The following PGLS variants were observed in gnomAD, a reference collection of about 807,000 sequenced individuals.
The protein encoded by PGLS is epididymis secretory protein Li 304.
Under a neutral mutation model 23.2 loss-of-function variants are expected in PGLS, and 21 were observed. The ratio of observed to expected loss-of-function variants is 0.91; its 90% CI spans 0.64 to 1.31. The LOEUF (loss-of-function observed/expected upper bound fraction) is 1.31. PGLS is among the 50% of genes most tolerant of loss of function. The pLI is 0.00. For missense variants in PGLS, 410 were observed against 354.0 expected, an observed-to-expected ratio of 1.16 and a Z score of -1.27; for synonymous variants, 179 against 165.4, an observed-to-expected ratio of 1.08 and a Z score of -0.63.
At chr19:17,515,088 C>T (rs1391152523) in intron 1 of PGLS, among the ~76,000 whole-genome samples, 1 of 152,316 alleles carries the variant, frequency 6.6e-6, no homozygotes, top group African/African-American at 2.4e-5. Flanking sequence ...CATGCCTGGC[C>T]ATTTTCTGTT....
chr19:17,512,004 C>T, intron 1 of PGLS, 44 bp downstream of exon 1: 1 of 1,504,878 alleles, frequency 6.6e-7, no homozygotes, highest in Non-Finnish European at 8.9e-7. Flanking sequence ...GAGAGGGCCA[C>T]AGCCACCGCC....
intron 1 of PGLS, among the ~76,000 whole-genome samples, chr19:17,514,474 T>A (rs2075523999): frequency 6.6e-6 from 1 of 151,788 alleles, no homozygotes; most frequent in South Asian, 2.1e-4. Flanking sequence ...CTTCCTATAC[T>A]TTCTTTTCTT....
chr19:17,519,337 A>C lies in PGLS; in HGVS notation c.639+1487A>C, dbSNP rs554719458. ...CTCAAAAAAAAAAAAAAATCAAATG[A>C]ATAATACTCCTTGACCTTGTGAAGA... On this transcript the variant is annotated intron_variant, in intron 4 of 4. Transcript: ENST00000252603. Among the ~76,000 whole-genome samples, 57 of 151,338 alleles carry C rather than the reference A, an allele frequency of 3.8e-4. 1 individual carries two copies. In the South Asian group the frequency reaches 0.011, roughly 30 times the overall value.
At chr19:17,516,931 C>T (rs1336880497) in intron 2 of PGLS, among the ~76,000 whole-genome samples, 9 of 150,474 alleles carry the variant, frequency 6.0e-5, no homozygotes, top group Admixed American at 6.6e-5. Context: ...GTCACCTAGG[C>T]TGGAGTGCAG....
intron 1 of PGLS, among the ~76,000 whole-genome samples, chr19:17,515,143 A>G (rs921148639): frequency 6.6e-6 from 1 of 152,056 alleles, no homozygotes; most frequent in East Asian, 1.9e-4. Flanking sequence ...AGCAGGCTGC[A>G]TAGATTAACA....
intron 3 of PGLS, 27 bp downstream of exon 3, chr19:17,517,416 C>A: frequency 6.5e-7 from 1 of 1,545,704 alleles, no homozygotes; most frequent in South Asian, 1.1e-5. Context: ...GGGGTTCCAC[C>A]CTAGTCCTGA....
intron 4 of PGLS, among the ~76,000 whole-genome samples, chr19:17,519,313 T>TG (rs1489516798): frequency 1.3e-5 from 1 of 75,582 alleles, no homozygotes; most frequent in African/African-American, 8.6e-5. Context: ...AAACTCAGTC[T>TG]CAAAAAAAAA....
rs113932067 is a variant in PGLS, at chr19:17,511,732, G to T, written c.60G>T (p.Ala20=). ...SVFSSSQELG[A]ALAQLVAQRA... ...TCTCGAGTTCCCAGGAGCTGGGTGC[G>T]GCGCTAGCGCAGCTGGTGGCCCAGC... The change falls in exon 1 of 5, where the codon GCG becomes GCT. Residue 20 remains alanine (A), a synonymous_variant. Coordinates refer to ENST00000252603, the MANE Select transcript of PGLS (RefSeq NM_012088.3). The T allele has an allele frequency of 6.6e-7, 1 of 1,507,886 alleles. No homozygotes were observed. Among genetic ancestry groups the T allele is most frequent in the Admixed American group, 2.1e-5 (1 of 47,174 alleles). 93.4% of individuals were successfully genotyped at this position (1,507,886 alleles called of 1,614,324 possible). A position where few individuals can be genotyped will look rare whatever the true frequency, so the allele number is the denominator to read the frequency against.
chr19:17,515,692 T>G (rs1599689258), intron 1 of PGLS: 1 of 153,762 alleles, frequency 6.5e-6, no homozygotes, highest in Non-Finnish European at 1.4e-5. Context: ...CCATGGAGGG[T>G]GGTGAGGGGC....
At chr19:17,515,465 A>G (rs2075528088) in intron 1 of PGLS, among the ~76,000 whole-genome samples, 1 of 151,932 alleles carries the variant, frequency 6.6e-6, no homozygotes, top group Non-Finnish European at 1.5e-5. Context: ...AGTGCTTTTG[A>G]GTTAAATCTG....
At position 17,521,153 on chromosome 19, in the gene PGLS, C is replaced by T; in HGVS notation, c.*72C>T. The T allele has an allele frequency of 7.1e-7, 1 of 1,402,450 alleles. No individual in the cohort carries two copies. The highest frequency in any genetic ancestry group is 1.5e-5 in the South Asian group (1 of 68,260). 86.9% of individuals were successfully genotyped at this position (1,402,450 alleles called of 1,614,324 possible). A position where few individuals can be genotyped will look rare whatever the true frequency, so the allele number is the denominator to read the frequency against. ...GGCTGGGCCCCTGCTGGCCGCCACT[C>T]TCCGGGCTCTCCTTTCAAAAAGCCA... On this transcript the variant is annotated 3_prime_UTR_variant, in exon 5 of 5. Transcript: ENST00000252603.
chr19:17,519,560 C>G (rs946417597), intron 4 of PGLS, among the ~76,000 whole-genome samples: 5 of 151,916 alleles, frequency 3.3e-5, no homozygotes, highest in African/African-American at 1.2e-4. Context: ...CCACCACGCC[C>G]AGCTAATTTT....
intron 2 of PGLS, 88 bp downstream of exon 2, chr19:17,516,368 C>T: frequency 6.6e-7 from 1 of 1,518,166 alleles, no homozygotes; most frequent in East Asian, 2.5e-5. Flanking sequence ...TTGTCACCAG[C>T]AGGAACTGCC....
Position 17,511,931 on chromosome 19 carries a change from C to G in PGLS, c.259C>G (p.His87Asp). The change falls in exon 1 of 5, where the codon CAC (histidine) becomes GAC (aspartate). Residue 87 changes from histidine to aspartate, a missense_variant. Coordinates refer to ENST00000252603, the MANE Select transcript of PGLS (RefSeq NM_012088.3). ...FCDERLVPFDHAESTYGLYRT... is the reference protein window; with the variant it reads ...FCDERLVPFDDAESTYGLYRT... The stretch of plus-strand genomic sequence containing the variant: ...CGACGAGCGCCTCGTGCCCTTCGAT[C>G]ACGCCGAGAGCACGTACGGCCTCTA... 1 of 1,550,082 alleles carries G rather than the reference C, an allele frequency of 6.5e-7. No homozygotes were observed. The highest frequency in any genetic ancestry group is 8.7e-7 in the Non-Finnish European group (1 of 1,149,470).
chr19:17,512,805 C>T (rs2075515474), intron 1 of PGLS: 1 of 152,120 alleles, frequency 6.6e-6, no homozygotes, highest in Non-Finnish European at 1.5e-5. Context: ...CTGGGTGTGC[C>T]GTCTTCTCTT....
At chr19:17,512,161 T>A (rs993551732) in intron 1 of PGLS, 11 of 559,366 alleles carry the variant, frequency 2.0e-5, no homozygotes, top group Non-Finnish European at 3.3e-5. Context: ...CTGGGGGTCA[T>A]GCCAAGAGGG....
In PGLS at chr19:17,511,804, C is replaced by G; in HGVS notation, c.132C>G (p.Gly44=). 1 of 1,507,018 alleles carries G rather than the reference C, an allele frequency of 6.6e-7. No individual in the cohort carries two copies. The highest frequency in any genetic ancestry group is 1.2e-5 in the South Asian group (1 of 81,384). 93.4% of individuals were successfully genotyped at this position (1,507,018 alleles called of 1,614,324 possible). A position where few individuals can be genotyped will look rare whatever the true frequency, so the allele number is the denominator to read the frequency against. The change falls in exon 1 of 5, where the codon GGC becomes GGG. Residue 44 remains glycine (G), a synonymous_variant. Transcript: ENST00000252603. ...LAGARARFAL[G]LSGGSLVSML... ...GGGCCCGCGCCCGTTTCGCGCTCGGCCTGTCGGGCGGGAGCCTCGTCTCGA... is the reference window on the plus strand; with the variant it reads ...GGGCCCGCGCCCGTTTCGCGCTCGGGCTGTCGGGCGGGAGCCTCGTCTCGA...
At position 17,517,803 on chromosome 19, in the gene PGLS, A is replaced by G. The variant is rs2075540370; in HGVS notation, c.592A>G (p.Thr198Ala). ...ACTACCTGTCCTGAATGCAGCACGAACTGTCATCTTTGTGGCAACTGGAGA... is the reference window on the plus strand; with the variant it reads ...ACTACCTGTCCTGAATGCAGCACGAGCTGTCATCTTTGTGGCAACTGGAGA... ...LTLPVLNAAR[T>A]VIFVATGEGK... Residue 198 changes from threonine (T) to alanine (A), a missense_variant, in exon 4 of 5, where the codon ACT (threonine) becomes GCT (alanine). Coordinates refer to ENST00000252603, the MANE Select transcript of PGLS (RefSeq NM_012088.3). The G allele has an allele frequency of 2.4e-5, 38 of 1,614,148 alleles. No homozygotes were observed. The highest frequency in any genetic ancestry group is 3.2e-5 in the Non-Finnish European group (38 of 1,180,018).
At position 17,521,156 on chromosome 19, in the gene PGLS, C is replaced by A. The variant is rs551207217; in HGVS notation, c.*75C>A. ...TGGGCCCCTGCTGGCCGCCACTCTC[C>A]GGGCTCTCCTTTCAAAAAGCCACGT... On this transcript the variant is annotated 3_prime_UTR_variant, in exon 5 of 5. Coordinates refer to ENST00000252603, the MANE Select transcript of PGLS (RefSeq NM_012088.3). 7 of 1,408,956 alleles carry A rather than the reference C, an allele frequency of 5.0e-6. No homozygotes were observed. In the East Asian group the frequency reaches 8.1e-5, roughly 16 times the overall value. 87.3% of individuals were successfully genotyped at this position (1,408,956 alleles called of 1,614,324 possible). A position where few individuals can be genotyped will look rare whatever the true frequency, so the allele number is the denominator to read the frequency against.
Sources: gnomAD v4.1 joint callset for allele counts (sites outside exome capture counted in the v4.1 genomes callset) on GRCh38, gnomAD v4.1.1 for gene constraint, MANE v1.5 for transcripts, NCBI Gene and HGNC (gene_info 2026-07-23, HGNC 2026-07-21) for gene names.